Variants in ATG10 observed in about 807,000 individuals in gnomAD.
ATG10 encodes autophagy related 10.
In ATG10, 30 loss-of-function variants were observed where a neutral mutation model predicts 32.1. The observed-to-expected ratio is 0.94, with a 90% CI of 0.70 to 1.27. The LOEUF (loss-of-function observed/expected upper bound fraction) is 1.27. Among genes scored for constraint, ATG10 ranks in the 50% most tolerant of loss-of-function variants. The probability of loss-of-function intolerance (pLI) is 0.00; values close to 1 mark genes in which losing one functional copy is unlikely to be tolerated. For missense variants in ATG10, 233 were observed against 262.3 expected, an observed-to-expected ratio of 0.89 and a Z score of 0.77; for synonymous variants, 87 against 91.5, an observed-to-expected ratio of 0.95 and a Z score of 0.28.
At chr5:82,139,371 G>A (rs1181810547) in intron 3 of ATG10, among the ~76,000 whole-genome samples, 4 of 149,128 alleles carry the variant, frequency 2.7e-5, no homozygotes, top group Non-Finnish European at 5.9e-5. Context: ...GTCTCCGCCC[G>A]GCCCCCATCC....
chr5:82,024,477 TTGTA>T (rs1210452255), intron 2 of ATG10, among the ~76,000 whole-genome samples: 1 of 152,184 alleles, frequency 6.6e-6, no homozygotes, highest in Non-Finnish European at 1.5e-5. Context: ...GGCTTGTAAT[TTGTA>T]TGTTTTGGAT....
At chr5:82,081,793 C>T (rs1764491280) in intron 3 of ATG10, among the ~76,000 whole-genome samples, 1 of 152,190 alleles carries the variant, frequency 6.6e-6, no homozygotes, top group African/African-American at 2.4e-5. Flanking sequence ...CATCGATGTT[C>T]ATCAGGGATA....
chr5:82,079,963 C>T (rs963121297), intron 3 of ATG10, among the ~76,000 whole-genome samples: 1 of 152,210 alleles, frequency 6.6e-6, no homozygotes, highest in African/African-American at 2.4e-5. Flanking sequence ...AATGGTTGAA[C>T]CAGTTTACAG....
chr5:82,033,267 A>G, intron 2 of ATG10, among the ~76,000 whole-genome samples: 1 of 152,042 alleles, frequency 6.6e-6, no homozygotes, highest in East Asian at 1.9e-4. Flanking sequence ...TCAAAATAGA[A>G]TTGCTGAATG....
At chr5:82,191,430 A>G (rs977179190) in intron 5 of ATG10, among the ~76,000 whole-genome samples, 2 of 152,232 alleles carry the variant, frequency 1.3e-5, no homozygotes, top group Non-Finnish European at 2.9e-5. Flanking sequence ...GCAGAACTCC[A>G]TGGAAGCCCT....
At chr5:82,163,930 C>T (rs1256939740) in intron 3 of ATG10, among the ~76,000 whole-genome samples, 1 of 152,104 alleles carries the variant, frequency 6.6e-6, no homozygotes, top group Non-Finnish European at 1.5e-5. Context: ...CTTTCTTATT[C>T]AAAATGGAAC....
chr5:82,062,552 T>G (rs1763818826), intron 3 of ATG10, among the ~76,000 whole-genome samples: 1 of 152,238 alleles, frequency 6.6e-6, no homozygotes, highest in Admixed American at 6.5e-5. Flanking sequence ...GTGCTATTAT[T>G]AATACTAATA....
intron 5 of ATG10, among the ~76,000 whole-genome samples, chr5:82,181,852 G>A (rs917054514): frequency 3.3e-5 from 5 of 152,076 alleles, no homozygotes; most frequent in African/African-American, 4.8e-5. Flanking sequence ...CATGTCAGAT[G>A]TAAACCCCCT....
intron 3 of ATG10, among the ~76,000 whole-genome samples, chr5:82,070,632 C>T (rs145523598): frequency 1.1e-4 from 16 of 152,186 alleles, no homozygotes; most frequent in Non-Finnish European, 1.9e-4. Flanking sequence ...ATTTCTCTTG[C>T]TTTCTTACTT....
At chr5:82,135,662 G>A (rs1766704515) in intron 3 of ATG10, among the ~76,000 whole-genome samples, 1 of 152,206 alleles carries the variant, frequency 6.6e-6, no homozygotes, top group Admixed American at 6.5e-5. Flanking sequence ...TTTAGGATAA[G>A]TGCTATGTGG....
chr5:82,070,735 C>A (rs1764104452), intron 3 of ATG10, among the ~76,000 whole-genome samples: 1 of 152,170 alleles, frequency 6.6e-6, no homozygotes, highest in Non-Finnish European at 1.5e-5. Context: ...TCTATTGCCA[C>A]TTCCCAATCC....
chr5:82,217,137 A>C (rs1745720019), intron 5 of ATG10, among the ~76,000 whole-genome samples: 1 of 151,820 alleles, frequency 6.6e-6, no homozygotes, highest in Non-Finnish European at 1.5e-5. Context: ...ATACTTAACC[A>C]CTCTGTAAGA....
intron 3 of ATG10, among the ~76,000 whole-genome samples, chr5:82,059,600 A>G (rs1016533820): frequency 2.6e-5 from 4 of 152,164 alleles, no homozygotes; most frequent in African/African-American, 9.7e-5. Context: ...ATTTCAGCAC[A>G]AAAGAAGAAA....
chr5:82,037,404 C>T (rs375657945), intron 2 of ATG10, among the ~76,000 whole-genome samples: 2 of 147,212 alleles, frequency 1.4e-5, no homozygotes, highest in African/African-American at 2.5e-5. Context: ...CCCGCCACTA[C>T]GCCCGGCTAA....
chr5:82,184,686 TAGAG>T (rs1385842959), intron 5 of ATG10, among the ~76,000 whole-genome samples: 1 of 152,224 alleles, frequency 6.6e-6, no homozygotes, highest in South Asian at 2.1e-4. Flanking sequence ...GCTGCATTAT[TAGAG>T]AGATGACTGT....
chr5:82,246,543 G>GA (rs139012100), intron 5 of ATG10, among the ~76,000 whole-genome samples: 2 of 149,522 alleles, frequency 1.3e-5, no homozygotes, highest in East Asian at 2.0e-4. Flanking sequence ...AAGAAAAAAA[G>GA]AAAAAAAATT....
At chr5:81,991,630 CT>C (rs1489400577) in intron 2 of ATG10, among the ~76,000 whole-genome samples, 1 of 151,884 alleles carries the variant, frequency 6.6e-6, no homozygotes, top group Admixed American at 6.6e-5. Context: ...CCTTTCTCTA[CT>C]AAAAATACAA....
chr5:82,058,398 A>G (rs888263619), intron 2 of ATG10, 97 bp from the exon 3 acceptor site: 1 of 838,552 alleles, frequency 1.2e-6, no homozygotes, highest in South Asian at 1.6e-5. Context: ...TTAGTTTTTC[A>G]CTGATCAGTT....
At chr5:82,049,072 C>G (rs1394547360) in intron 2 of ATG10, among the ~76,000 whole-genome samples, 9 of 151,486 alleles carry the variant, frequency 5.9e-5, no homozygotes, top group African/African-American at 1.5e-4. Context: ...GACTATAAAT[C>G]ATGCTGCTAT....
Sources: gnomAD v4.1 joint callset for allele counts (sites outside exome capture counted in the v4.1 genomes callset) on GRCh38, gnomAD v4.1.1 for gene constraint, MANE v1.5 for transcripts, NCBI Gene and HGNC (gene_info 2026-07-23, HGNC 2026-07-21) for gene names.